POLR1A: variants seen among roughly 807,000 people sequenced by gnomAD.
The protein encoded by POLR1A is DNA-directed RNA polymerase I subunit RPA1.
In POLR1A, 84 loss-of-function variants were observed where a neutral mutation model predicts 205.3. That is an observed-to-expected ratio of 0.41 (90% CI 0.34 to 0.49). The LOEUF (loss-of-function observed/expected upper bound fraction) is 0.49. Ranked by LOEUF, POLR1A falls within the 20% of genes least tolerant of loss-of-function variation. The probability of loss-of-function intolerance (pLI) is 0.22; values close to 1 mark genes in which losing one functional copy is unlikely to be tolerated. For synonymous variants in POLR1A, 799 were observed against 863.7 expected, an observed-to-expected ratio of 0.93 and a Z score of 1.31; for missense variants, 1,645 against 2,204.5, an observed-to-expected ratio of 0.75 and a Z score of 5.08.
At chr2:86,049,300 A>T in intron 16 of POLR1A, 58 bp from the exon 17 acceptor site, 1 of 1,255,828 alleles carries the variant, frequency 8.0e-7, no homozygotes. Context: ...CTCCCACCAG[A>T]CTAAACTCAG....
chr2:86,068,348 C>G (rs1298125159), intron 13 of POLR1A, among the ~76,000 whole-genome samples: 1 of 119,302 alleles, frequency 8.4e-6, no homozygotes, highest in Non-Finnish European at 1.6e-5. Flanking sequence ...CCTTGGCTGT[C>G]GAGTGGGGCT....
rs575370598 is a variant in POLR1A at position 86,027,391 on chromosome 2, T to C, written c.*32A>G. ...TGGGCCACGCCCTCACCAAGGGTCC[T>C]TGGAGCTGGGCAGATGGTGCCGGGG... On this transcript the variant is annotated 3_prime_UTR_variant, in exon 34 of 34. Transcript: ENST00000263857. The C allele has an allele frequency of 5.7e-6, 9 of 1,574,122 alleles. No individual in the cohort carries two copies. In the African/African-American group the frequency reaches 1.2e-4, roughly 21 times the overall value.
chr2:86,045,212 T>C (rs912494501), intron 21 of POLR1A, 66 bp downstream of exon 21: 82 of 1,022,256 alleles, frequency 8.0e-5, no homozygotes, highest in Middle Eastern at 4.2e-4. Context: ...GCTGATATAA[T>C]GTGAAAGATG....
chr2:86,035,936 A>G (rs1258446399), intron 27 of POLR1A, among the ~76,000 whole-genome samples: 1 of 152,238 alleles, frequency 6.6e-6, no homozygotes, highest in Non-Finnish European at 1.5e-5. Context: ...GCATGTGACC[A>G]GTGTGCCAGT....
At chr2:86,036,129 C>G (rs1016406762) in intron 27 of POLR1A, among the ~76,000 whole-genome samples, 2 of 152,228 alleles carry the variant, frequency 1.3e-5, no homozygotes, top group Non-Finnish European at 2.9e-5. Flanking sequence ...GAGCACATGA[C>G]CCCTGGCGGT....
chr2:86,035,750 C>T (rs1299581193), intron 27 of POLR1A, among the ~76,000 whole-genome samples: 2 of 152,212 alleles, frequency 1.3e-5, no homozygotes, highest in Non-Finnish European at 2.9e-5. Flanking sequence ...TGAAGCTGTA[C>T]TCATCCTTCA....
intron 12 of POLR1A, 101 bp downstream of exon 12, chr2:86,074,929 C>T: frequency 1.3e-6 from 1 of 781,560 alleles, no homozygotes; most frequent in Non-Finnish European, 2.1e-6. Flanking sequence ...TAGGGATGGG[C>T]TCCTGTGTCA....
At position 86,031,742 on chromosome 2, in the gene POLR1A, CTA is replaced by C. The variant is rs1672399351; in HGVS notation, c.4273-109_4273-108del. ...CAAAGCCTTGGCTGGCCTGGGCTAC[CTA>C]GGCCCCACCTGCTCCACACTCCCGG... is the stretch of plus-strand genomic sequence containing the variant. On this transcript the variant is annotated intron_variant, in intron 29 of 33. Coordinates refer to ENST00000263857, the MANE Select transcript of POLR1A (RefSeq NM_015425.6). 5.5e-6 allele frequency: 8 copies of C among 1,443,084 alleles called. No individual in the cohort carries two copies. The South Asian group carries it at 1.0e-4, about 19-fold the overall frequency. 89.4% of individuals were successfully genotyped at this position (1,443,084 alleles called of 1,614,324 possible).
At position 86,065,330 on chromosome 2, in the gene POLR1A, C is replaced by T. The variant is rs200363968; in HGVS notation, c.2002G>A (p.Val668Met). The T allele has an allele frequency of 2.6e-4, 427 of 1,614,028 alleles. No homozygotes were observed. The highest frequency in any genetic ancestry group is 3.5e-4 in the Non-Finnish European group (418 of 1,180,032). ...AGGATGGAAGGAGAAAGGAGCTTCA[C>T]GCGCCCCACTTTGTCCGTGAGTCCT... ...YRGLTDKVGR[V>M]KLLSPSILKP... The change falls in exon 14 of 34, where the codon GTG (valine) becomes ATG (methionine). Residue 668 changes from valine to methionine, a missense_variant. Transcript: ENST00000263857.
intron 11 of POLR1A, 36 bp downstream of exon 11, chr2:86,077,811 GCACACACACACA>G (rs56874564): frequency 0.17 from 30,734 of 185,348 alleles, 788 homozygotes; most frequent in Middle Eastern, 0.21. Context: ...ACGCGCGCGC[GCACACACACACA>G]CACACACACA....
Position 86,045,188 on chromosome 2 carries a change from A to G in POLR1A, c.2969+90T>C, listed in dbSNP as rs1488965111. ...TTCCAAAAGTTTTTTCATCCAAGGA[A>G]TCTTAAATGAGCTGCTGATATAATG... On this transcript the variant is annotated intron_variant, in intron 21 of 33. Transcript: ENST00000263857. 1.3e-5 allele frequency: 11 copies of G among 869,126 alleles called. No homozygotes were observed. In the South Asian group the frequency reaches 1.5e-4, roughly 12 times the overall value. 53.8% of individuals were successfully genotyped at this position (869,126 alleles called of 1,614,324 possible).
chr2:86,066,780 C>T (rs974029012), intron 13 of POLR1A, among the ~76,000 whole-genome samples: 4 of 152,124 alleles, frequency 2.6e-5, no homozygotes, highest in East Asian at 1.9e-4. Context: ...TCAAAGATAA[C>T]GATTACAGAT....
intron 27 of POLR1A, among the ~76,000 whole-genome samples, chr2:86,035,729 T>C (rs1040065424): frequency 1.4e-4 from 21 of 152,334 alleles, no homozygotes; most frequent in Non-Finnish European, 2.1e-4. Context: ...CCCTGGCCAA[T>C]ATCTACCTAC....
At chr2:86,062,730 G>A (rs1673019130) in intron 14 of POLR1A, among the ~76,000 whole-genome samples, 1 of 151,570 alleles carries the variant, frequency 6.6e-6, no homozygotes, top group South Asian at 2.1e-4. Context: ...ACAGAAAACA[G>A]AAAAATAAAG....
chr2:86,051,722 C>A (rs888107400), intron 16 of POLR1A, among the ~76,000 whole-genome samples: 2 of 152,374 alleles, frequency 1.3e-5, no homozygotes, highest in Non-Finnish European at 2.9e-5. Context: ...TTGGACAGAT[C>A]TGATCTCAAG....
rs73947323 is a variant in POLR1A at position 86,077,803 on chromosome 2, G to A, written c.1380+56C>T. 24,603 of 891,994 alleles carry A rather than the reference G, an allele frequency of 0.028. 2,271 individuals carry two copies. The African/African-American group carries it at 0.4, about 15-fold the overall frequency. 55.3% of individuals were successfully genotyped at this position (891,994 alleles called of 1,614,324 possible). On this transcript the variant is annotated intron_variant, in intron 11 of 33. Transcript: ENST00000263857. ...CACGGGGAGCAAATGAGCCCTGCAC[G>A]CGCGCGCGCACACACACACACACAC...
Position 86,027,362 on chromosome 2 carries a change from AGGC to A in POLR1A, c.*58_*60del. 1 of 1,335,628 alleles carries A rather than the reference AGGC, an allele frequency of 7.5e-7. No individual in the cohort carries two copies. 82.7% of individuals were successfully genotyped at this position (1,335,628 alleles called of 1,614,324 possible). On this transcript the variant is annotated 3_prime_UTR_variant, in exon 34 of 34. Transcript: ENST00000263857. ...CTCCTGGTCCTCTCATGCAGAAGGC[AGGC>A]TGGGCCACGCCCTCACCAAGGGTCC...
intron 16 of POLR1A, among the ~76,000 whole-genome samples, chr2:86,050,445 G>C (rs1409000804): frequency 6.6e-6 from 1 of 152,202 alleles, no homozygotes. Context: ...ATTCCCATGG[G>C]TTCAGCTACA....
Position 86,033,642 on chromosome 2 carries a change from C to A in POLR1A, c.4161+19G>T, listed in dbSNP as rs376901817. Reference sequence around the variant, plus strand: ...GGCTGTCCCTGTGCAACTCTAGTGACCCCCGGGGACTCACTCACCCGACTC... The same window carrying A: ...GGCTGTCCCTGTGCAACTCTAGTGAACCCCGGGGACTCACTCACCCGACTC... On this transcript the variant is annotated intron_variant, in intron 28 of 33. Coordinates refer to ENST00000263857, the MANE Select transcript of POLR1A (RefSeq NM_015425.6). 25 of 1,610,684 alleles carry A rather than the reference C, an allele frequency of 1.6e-5. No individual in the cohort carries two copies. The highest frequency in any genetic ancestry group is 5.0e-5 in the Admixed American group (3 of 59,858).
Sources: allele counts gnomAD v4.1 joint callset (sites outside exome capture counted in the v4.1 genomes callset), GRCh38; gene constraint gnomAD v4.1.1; transcripts MANE v1.5; gene names NCBI Gene and HGNC (gene_info 2026-07-23, HGNC 2026-07-21).